Variants in PFKP observed in about 807,000 individuals in gnomAD.
PFKP encodes ATP-dependent 6-phosphofructokinase, platelet type.
PFKP carries 101 observed loss-of-function variants against 94.3 expected under a neutral mutation model. The observed-to-expected ratio is 1.07, with a 90% CI of 0.91 to 1.26. PFKP has a LOEUF of 1.26. Among genes scored for constraint, PFKP ranks in the 50% most tolerant of loss-of-function variants. The pLI is 0.00. For missense variants in PFKP, 1,145 were observed against 1,103.3 expected, an observed-to-expected ratio of 1.04 and a Z score of -0.53; for synonymous variants, 573 against 432.6, an observed-to-expected ratio of 1.32 and a Z score of -4.03.
chr10:3,123,108 G>T (rs1461030738), intron 16 of PFKP, among the ~76,000 whole-genome samples: 1 of 152,298 alleles, frequency 6.6e-6, no homozygotes, highest in South Asian at 2.1e-4. Context: ...GCTGGTGAGT[G>T]GTCCTCCGGG....
chr10:3,095,415 G>A (rs979888589), intron 2 of PFKP, among the ~76,000 whole-genome samples: 2 of 152,318 alleles, frequency 1.3e-5, no homozygotes, highest in Non-Finnish European at 2.9e-5. Context: ...TGACTTCAGA[G>A]CCTGTGGCAT....
Position 3,133,196 on chromosome 10 carries a change from G to A in PFKP, c.1911-7G>A, listed in dbSNP as rs757232046. ...TAAACAAAGTGACTCCTTCTCGCTC[G>A]TTTCAGAAATGAGAGCTGCAGTGAA... On this transcript the variant is annotated splice_polypyrimidine_tract_variant and splice_region_variant and intron_variant, in intron 18 of 21. Coordinates refer to ENST00000381125, the MANE Select transcript of PFKP (RefSeq NM_002627.5). 17 of 1,608,854 alleles carry A rather than the reference G, an allele frequency of 1.1e-5. No homozygotes were observed. Among genetic ancestry groups the A allele is most frequent in the Non-Finnish European group, 1.4e-5 (16 of 1,175,322 alleles).
At chr10:3,069,185 C>T (rs959582887) in intron 1 of PFKP, 6 of 1,232,298 alleles carry the variant, frequency 4.9e-6, no homozygotes, top group Non-Finnish European at 6.1e-6. Flanking sequence ...CCAGGCCCCG[C>T]CCCGCAGCCC....
chr10:3,105,049 G>T, intron 5 of PFKP, 66 bp from the exon 6 acceptor site: 1 of 1,470,338 alleles, frequency 6.8e-7, no homozygotes. Context: ...CCAGGACTGA[G>T]TGGGTGCTCC....
Position 3,105,491 on chromosome 10 carries a change from A to G in PFKP, c.764A>G (p.Lys255Arg), listed in dbSNP as rs1835447977. 1 of 1,611,336 alleles carries G rather than the reference A, an allele frequency of 6.2e-7. No individual in the cohort carries two copies. The highest frequency in any genetic ancestry group is 8.5e-7 in the Non-Finnish European group (1 of 1,177,878). ...GGCTGGGAGGAGCAGATGTGTGTCA[A>G]ACTCTCGGAGGTAATGCGGGTCCCG... ...EEGWEEQMCV[K>R]LSENRARKKR... The change falls in exon 7 of 22, where the codon AAA becomes AGA. Residue 255 changes from lysine (K) to arginine (R), a missense_variant. Physicochemically the swap from Lys to Arg is conservative, Grantham distance 26 (BLOSUM62 2). Around this residue, in one of 3 missense-constraint regions of PFKP, gnomAD observed 1,119 missense variants for 1,062.8 expected, o/e 1.05. Coordinates refer to ENST00000381125, the MANE Select transcript of PFKP (RefSeq NM_002627.5).
At chr10:3,099,881 G>T (rs1356466226) in intron 3 of PFKP, among the ~76,000 whole-genome samples, 3 of 151,678 alleles carry the variant, frequency 2.0e-5, no homozygotes, top group African/African-American at 7.3e-5. Flanking sequence ...TGTGAATCTC[G>T]GTGTGTGTGT....
intron 9 of PFKP, 122 bp from the exon 10 acceptor site, chr10:3,109,233 C>G (rs1167826952): frequency 1.1e-5 from 15 of 1,307,362 alleles, no homozygotes; most frequent in Non-Finnish European, 1.3e-5. Context: ...AAGAGTTGGG[C>G]TGGAAGCGGG....
At chr10:3,135,425 T>C (rs1839138330) in intron 20 of PFKP, among the ~76,000 whole-genome samples, 1 of 142,650 alleles carries the variant, frequency 7.0e-6, no homozygotes, top group African/African-American at 2.6e-5. Flanking sequence ...TGTGTGTATG[T>C]GTGAGCATAA....
chr10:3,093,948 TTA>T (rs1834281685), intron 2 of PFKP, among the ~76,000 whole-genome samples: 1 of 152,194 alleles, frequency 6.6e-6, no homozygotes, highest in African/African-American at 2.4e-5. Flanking sequence ...TGTCGTAGCA[TTA>T]TCTTTTATTA....
chr10:3,101,077 C>T (rs1342158844), intron 3 of PFKP: 20 of 1,186,662 alleles, frequency 1.7e-5, no homozygotes, highest in South Asian at 6.1e-5. Flanking sequence ...GCTGTGACAC[C>T]GCAGGCTGGT....
intron 2 of PFKP, among the ~76,000 whole-genome samples, chr10:3,093,742 C>A (rs1015195257): frequency 6.8e-6 from 1 of 146,844 alleles, no homozygotes; most frequent in Non-Finnish European, 1.5e-5. Flanking sequence ...CTCCCAGGTT[C>A]ACGCCATTCT....
chr10:3,118,925 G>A, intron 15 of PFKP, 56 bp downstream of exon 15: 1 of 1,362,482 alleles, frequency 7.3e-7, no homozygotes, highest in Non-Finnish European at 1.0e-6. Flanking sequence ...GCCCTGTGTT[G>A]GCTAAACATT....
chr10:3,105,327 G>C (rs2892549), intron 6 of PFKP, 66 bp from the exon 7 acceptor site: 501,060 of 1,415,366 alleles, frequency 0.35, 94,872 homozygotes, highest in Non-Finnish European at 0.39. Context: ...GCTGAGCGGG[G>C]TGCCTGGGCT....
intron 16 of PFKP, among the ~76,000 whole-genome samples, chr10:3,125,519 T>C (rs1423085814): frequency 1.3e-5 from 2 of 152,106 alleles, no homozygotes; most frequent in African/African-American, 2.4e-5. Flanking sequence ...GCAGGTACCA[T>C]TGCTCTGGAG....
Position 3,129,919 on chromosome 10 carries a change from G to C in PFKP, c.1784G>C (p.Gly595Ala), listed in dbSNP as rs199856687. 3 of 1,611,954 alleles carry C rather than the reference G, an allele frequency of 1.9e-6. No individual in the cohort carries two copies. The highest frequency in any genetic ancestry group is 2.2e-5 in the East Asian group (1 of 44,830). The change falls in exon 17 of 22, where the codon GGG becomes GCG. Residue 595 changes from glycine (G) to alanine (A), a missense_variant. By Grantham distance (60) the Gly-to-Ala change is moderately conservative. This residue lies in a region of PFKP where 1,119 missense variants were observed against 1,062.8 expected (regional missense o/e 1.05). Coordinates refer to ENST00000381125, the MANE Select transcript of PFKP (RefSeq NM_002627.5). ...GYCGYLANMG[G>A]LAAGADAAYI... ...TGTGGCTACCTGGCCAACATGGGGG[G>C]GCTCGCGGCCGGAGCTGATGCCGCA...
chr10:3,073,986 C>T (rs560163476), intron 1 of PFKP, among the ~76,000 whole-genome samples: 11 of 152,206 alleles, frequency 7.2e-5, no homozygotes, highest in African/African-American at 1.9e-4. Flanking sequence ...TACAGGCATG[C>T]GCCACCATGC....
chr10:3,094,221 C>T (rs1460206134), intron 2 of PFKP, among the ~76,000 whole-genome samples: 1 of 152,150 alleles, frequency 6.6e-6, no homozygotes, highest in African/African-American at 2.4e-5. Flanking sequence ...GGAAGGGCGA[C>T]CGGCCTCGCT....
At chr10:3,107,846 C>G in intron 8 of PFKP, 1 of 1,276,558 alleles carries the variant, frequency 7.8e-7, no homozygotes, top group Non-Finnish European at 1.0e-6. Context: ...CAGTGCCTGC[C>G]TGTCTGGAGA....
intron 2 of PFKP, 51 bp downstream of exon 2, chr10:3,082,512 C>A: frequency 7.3e-7 from 1 of 1,375,524 alleles, no homozygotes; most frequent in South Asian, 1.3e-5. Context: ...CTGCCCAGAG[C>A]CCTGCAGTCA....
Sources: allele counts gnomAD v4.1 joint callset (sites outside exome capture counted in the v4.1 genomes callset), GRCh38; gene constraint gnomAD v4.1.1; regional missense constraint gnomAD v4.1.1; transcripts MANE v1.5; gene names NCBI Gene and HGNC (gene_info 2026-07-23, HGNC 2026-07-21).